The following KIF2C variants were observed in gnomAD, a reference collection of about 807,000 sequenced individuals.
The protein encoded by KIF2C is kinesin family member 2C, also known as kinesin-like protein KIF2C.
Under a neutral mutation model 97.4 loss-of-function variants are expected in KIF2C, and 34 were observed. That is an observed-to-expected ratio of 0.35 (90% CI 0.27 to 0.46). The LOEUF (loss-of-function observed/expected upper bound fraction) is 0.46, where lower values mean the gene tolerates loss of function less well. Among genes scored for constraint, KIF2C ranks in the 20% least tolerant of loss-of-function variants. The probability of loss-of-function intolerance (pLI) is 1.00; values close to 1 mark genes in which losing one functional copy is unlikely to be tolerated. For missense variants in KIF2C, 750 were observed against 907.6 expected (o/e 0.83, Z 2.23); for synonymous variants, 313 against 318.2 (o/e 0.98, Z 0.17).
intron 2 of KIF2C, chr1:44,746,558 C>G: frequency 7.4e-7 from 1 of 1,355,030 alleles, no homozygotes. Flanking sequence ...TTTCCTCCTC[C>G]GTGTCAGCCA....
chr1:44,756,382 C>G, intron 10 of KIF2C, 145 bp downstream of exon 10: 1 of 857,586 alleles, frequency 1.2e-6, no homozygotes, highest in Non-Finnish European at 1.9e-6. Context: ...CACCCTTTGG[C>G]AGCTTAGTGG....
rs748905629 is a variant in KIF2C at position 44,760,306 on chromosome 1, C to G, written c.1394C>G (p.Ser465Cys). 6.2e-7 allele frequency: 1 copy of G among 1,613,996 alleles called. No individual in the cohort carries two copies. The highest frequency in any genetic ancestry group is 8.5e-7 in the Non-Finnish European group (1 of 1,180,048). ...CRTSGQTFAN[S>C]NSSRSHACFQ... ...ACCTCTGGGCAGACATTTGCCAACTCCAATTCCTCCCGCTCCCACGCGTGC... is the reference window on the plus strand; with the variant it reads ...ACCTCTGGGCAGACATTTGCCAACTGCAATTCCTCCCGCTCCCACGCGTGC... The change falls in exon 15 of 21, where the codon TCC (serine) becomes TGC (cysteine). Residue 465 changes from serine (S) to cysteine (C), a missense_variant. Ser to Cys is a moderately radical substitution (Grantham distance 112, BLOSUM62 -1). Transcript: ENST00000372224. This position sits in a 1 kb window ranked among gnomAD's most constrained non-coding sequence, Gnocchi z 4.2.
At chr1:44,757,352 C>CA (rs1438825760) in intron 10 of KIF2C, among the ~76,000 whole-genome samples, 2 of 152,176 alleles carry the variant, frequency 1.3e-5, no homozygotes, top group Non-Finnish European at 2.9e-5. Context: ...AGTGATCCCC[C>CA]AACACCCATC....
At position 44,760,437 on chromosome 1, in the gene KIF2C, A is replaced by G. The variant is rs1650080426; in HGVS notation, c.1525A>G (p.Thr509Ala). The change falls in exon 15 of 21, where the codon ACC becomes GCC. Residue 509 changes from threonine (T) to alanine (A), a missense_variant. Transcript: ENST00000372224. The surrounding 1 kb of genome is among the most constrained non-coding windows in gnomAD (Gnocchi z 4.2). ...GGACACTTCCAGTGCTGACCGGCAG[A>G]CCCGCATGGAGGGCGCAGAAATCAA... ...GADTSSADRQ[T>A]RMEGAEINKS... 8.7e-6 allele frequency: 14 copies of G among 1,614,174 alleles called. No individual in the cohort carries two copies. Among genetic ancestry groups the G allele is most frequent in the Non-Finnish European group, 1.2e-5 (14 of 1,180,028 alleles).
intron 1 of KIF2C, among the ~76,000 whole-genome samples, chr1:44,740,439 T>C (rs1423101146): frequency 6.6e-6 from 1 of 152,138 alleles, no homozygotes; most frequent in Non-Finnish European, 1.5e-5. Context: ...TCGTTCTCTC[T>C]TTTGCTTAAG....
chr1:44,767,114 C>A lies in KIF2C; in HGVS notation c.2113C>A (p.Arg705Ser). The A allele has an allele frequency of 6.2e-7, 1 of 1,614,136 alleles. No homozygotes were observed. Among genetic ancestry groups the A allele is most frequent in the Non-Finnish European group, 8.5e-7 (1 of 1,179,980 alleles). ...TCTTCCAGATGTCATCAAGGCCTTG[C>A]GCCTGGCCATGCAGCTGGAAGAGCA... ...SALRDVIKAL[R>S]LAMQLEEQAS... is the part of the protein sequence containing the mutation. Residue 705 changes from arginine to serine, a missense_variant, in exon 21 of 21, where the codon CGC becomes AGC. Physicochemically the swap from Arg to Ser is moderately radical, Grantham distance 110 (BLOSUM62 -1). Coordinates refer to ENST00000372224, the MANE Select transcript of KIF2C (RefSeq NM_006845.4).
intron 19 of KIF2C, among the ~76,000 whole-genome samples, chr1:44,763,916 T>C (rs370885342): frequency 1.3e-5 from 2 of 151,796 alleles, no homozygotes; most frequent in African/African-American, 4.8e-5. Context: ...GCCTGTAATC[T>C]CAGCTACTTG....
chr1:44,744,771 G>A (rs1247077696), intron 2 of KIF2C, among the ~76,000 whole-genome samples: 7 of 152,230 alleles, frequency 4.6e-5, no homozygotes, highest in South Asian at 2.1e-4. Flanking sequence ...GTGGTGGTGC[G>A]CACCTGTAGT....
intron 19 of KIF2C, among the ~76,000 whole-genome samples, chr1:44,763,849 C>T (rs772885044): frequency 3.4e-4 from 52 of 152,204 alleles, no homozygotes; most frequent in Admixed American, 7.8e-4. Context: ...GCCTGGCCAA[C>T]GTGGCGAAAC....
chr1:44,767,226 T>G lies in KIF2C; in HGVS notation c.*47T>G. 6.4e-7 allele frequency: 1 copy of G among 1,558,230 alleles called. No homozygotes were observed. The highest frequency in any genetic ancestry group is 1.4e-5 in the African/African-American group (1 of 73,952). On this transcript the variant is annotated 3_prime_UTR_variant, in exon 21 of 21. Transcript: ENST00000372224. The stretch of plus-strand genomic sequence containing the variant: ...TTGGTTTGACACCCAGCCTCTTCCC[T>G]GGCCCTCCCCAGAGAACTTTGGGTA...
At chr1:44,754,986 ACT>A in intron 8 of KIF2C, 141 bp downstream of exon 8, 1 of 594,054 alleles carries the variant, frequency 1.7e-6, no homozygotes, top group South Asian at 2.1e-5. Flanking sequence ...ATGGGGTCTC[ACT>A]CTGTCACCCA....
At chr1:44,764,211 C>CT (rs1226855414) in intron 19 of KIF2C, among the ~76,000 whole-genome samples, 4 of 152,102 alleles carry the variant, frequency 2.6e-5, no homozygotes, top group African/African-American at 4.8e-5. Flanking sequence ...GAGTCTCACT[C>CT]GTCACCCAGG....
chr1:44,748,623 C>G (rs945995452), intron 4 of KIF2C, among the ~76,000 whole-genome samples: 1 of 152,064 alleles, frequency 6.6e-6, no homozygotes, highest in Non-Finnish European at 1.5e-5. Context: ...TCACTGTAGC[C>G]TTGAACTCTT....
intron 19 of KIF2C, among the ~76,000 whole-genome samples, chr1:44,763,910 G>A (rs1650303373): frequency 6.6e-6 from 1 of 152,042 alleles, no homozygotes; most frequent in African/African-American, 2.4e-5. Flanking sequence ...GCGGGCGCCT[G>A]TAATCTCAGC....
intron 2 of KIF2C, among the ~76,000 whole-genome samples, chr1:44,747,020 C>CG (rs774655239): frequency 2.0e-5 from 3 of 151,796 alleles, no homozygotes; most frequent in Non-Finnish European, 4.4e-5. Flanking sequence ...GCCTCAGCCT[C>CG]GGGGGGGCCA....
At position 44,757,940 on chromosome 1, in the gene KIF2C, G is replaced by T; in HGVS notation, c.1101G>T (p.Gln367His). ...TMGGDLSGKA[Q>H]NASKGIYAMA... ...GCGGAGACCTCTCTGGGAAAGCCCAGAATGCATCCAAAGGGATCTATGCCA... is the reference window on the plus strand; with the variant it reads ...GCGGAGACCTCTCTGGGAAAGCCCATAATGCATCCAAAGGGATCTATGCCA... The change falls in exon 12 of 21, where the codon CAG becomes CAT. Residue 367 changes from glutamine (Q) to histidine (H), a missense_variant. Gln to His is a conservative substitution (Grantham distance 24). Transcript: ENST00000372224. 6.2e-7 allele frequency: 1 copy of T among 1,614,206 alleles called. No homozygotes were observed. The highest frequency in any genetic ancestry group is 1.1e-5 in the South Asian group (1 of 91,086).
chr1:44,753,955 ATTC>A (rs1649673752), intron 7 of KIF2C, 122 bp downstream of exon 7: 19 of 192,974 alleles, frequency 9.8e-5, no homozygotes, highest in South Asian at 2.9e-4. Context: ...TGAGGCCCCA[ATTC>A]TTTTTTTTTT....
At chr1:44,740,803 GT>G (rs1648894603) in intron 1 of KIF2C, 109 bp from the exon 2 acceptor site, 2 of 323,040 alleles carry the variant, frequency 6.2e-6, no homozygotes, top group Non-Finnish European at 1.2e-5. Flanking sequence ...TTTTTTTAAG[GT>G]AGCTGCCTGT....
chr1:44,741,056 A>G (rs757974667), intron 2 of KIF2C, 49 bp downstream of exon 2: 17 of 1,413,122 alleles, frequency 1.2e-5, no homozygotes, highest in Non-Finnish European at 1.1e-5. Context: ...TTCCTACATA[A>G]AGGATCTGTG....
Sources: gnomAD v4.1 joint callset for allele counts (sites outside exome capture counted in the v4.1 genomes callset) on GRCh38, gnomAD v4.1.1 for gene constraint, Gnocchi (gnomAD v3.1) non-coding constraint, MANE v1.5 for transcripts, NCBI Gene and HGNC (gene_info 2026-07-23, HGNC 2026-07-21) for gene names.